ADK: variants seen among roughly 807,000 people sequenced by gnomAD.
ADK encodes adenosine kinase, also known as N6,N6-dimethyladenosine kinase.
In ADK, 24 loss-of-function variants were observed where a neutral mutation model predicts 44.7. The ratio of observed to expected loss-of-function variants is 0.54; its 90% CI spans 0.39 to 0.76. The LOEUF is 0.76. ADK is among the 30% of genes least tolerant of loss of function. The pLI is 0.00. For synonymous variants in ADK, 128 were observed against 142.6 expected, an observed-to-expected ratio of 0.90 and a Z score of 0.73; for missense variants, 321 against 425.1, an observed-to-expected ratio of 0.76 and a Z score of 2.15.
chr10:74,696,448 C>T (rs933209189), intron 10 of ADK, among the ~76,000 whole-genome samples: 7 of 152,022 alleles, frequency 4.6e-5, no homozygotes, highest in Middle Eastern at 3.4e-3. Context: ...TCACTGCAAG[C>T]TCCACCTCCC....
rs555821011 is a variant in ADK at position 74,489,678 on chromosome 10, AT to A, written c.556-35566del. Among the ~76,000 whole-genome samples, 1,103 of 147,194 alleles carry A rather than the reference AT, an allele frequency of 7.5e-3. 10 individuals carry two copies. Among genetic ancestry groups the A allele is most frequent in the African/African-American group, 0.012 (484 of 40,604 alleles). On this transcript the variant is annotated intron_variant, in intron 6 of 10. Coordinates refer to ENST00000539909, the MANE Select transcript of ADK (RefSeq NM_006721.4). ...TCCAGATACAAAGCAGGATGTCATA[AT>A]TTTTTTTTTTTACTATTCCAACTGG... is the stretch of plus-strand genomic sequence containing the variant.
chr10:74,678,117 G>A (rs1855469682), intron 10 of ADK, among the ~76,000 whole-genome samples: 1 of 149,964 alleles, frequency 6.7e-6, no homozygotes, highest in African/African-American at 2.5e-5. Context: ...CTACAGTCTG[G>A]GCAACAGGGG....
rs778963776 is a variant in ADK at position 74,536,675 on chromosome 10, C to A, written c.726+11249C>A. 1.4e-4 allele frequency among the ~76,000 whole-genome samples: 21 copies of A among 151,650 alleles called. 1 individual carries two copies. The highest frequency in any genetic ancestry group is 3.1e-4 in the Non-Finnish European group (21 of 67,956). On this transcript the variant is annotated intron_variant, in intron 7 of 10. Transcript: ENST00000539909. ...ATAACTCACTATTTCCTGTTTCCTCCTTCCTCCTCACCCTTGGTAACTGTT... is the reference window on the plus strand; with the variant it reads ...ATAACTCACTATTTCCTGTTTCCTCATTCCTCCTCACCCTTGGTAACTGTT...
chr10:74,556,296 T>G (rs1443138784), intron 7 of ADK, among the ~76,000 whole-genome samples: 1 of 152,226 alleles, frequency 6.6e-6, no homozygotes, highest in African/African-American at 2.4e-5. Context: ...AACAGCAATA[T>G]GCCATATGAG....
At chr10:74,292,390 T>C (rs1482688128) in intron 3 of ADK, among the ~76,000 whole-genome samples, 1 of 152,220 alleles carries the variant, frequency 6.6e-6, no homozygotes, top group Non-Finnish European at 1.5e-5. Context: ...ATCATTTCTT[T>C]GCAGTGAAGT....
intron 8 of ADK, among the ~76,000 whole-genome samples, chr10:74,592,491 G>A (rs1490848765): frequency 6.6e-6 from 1 of 152,040 alleles, no homozygotes; most frequent in Non-Finnish European, 1.5e-5. Flanking sequence ...CATTGTCTCT[G>A]CAACTGAGTA....
chr10:74,442,254 G>A (rs1242501562), intron 6 of ADK, among the ~76,000 whole-genome samples: 1 of 152,120 alleles, frequency 6.6e-6, no homozygotes, highest in Non-Finnish European at 1.5e-5. Context: ...TTGTTAGCGG[G>A]AATGTAAATT....
chr10:74,188,343 A>ATTTTTTTTTTTTTTTTTTT (rs765922880), intron 1 of ADK, among the ~76,000 whole-genome samples: 2 of 81,370 alleles, frequency 2.5e-5, no homozygotes, highest in Non-Finnish European at 2.3e-5. Context: ...TGTATTTTTA[A>ATTTTTTTTTTTTTTTTTTT]TTTTTTTTTT....
intron 3 of ADK, among the ~76,000 whole-genome samples, chr10:74,235,729 T>C (rs1030981404): frequency 1.3e-5 from 2 of 152,232 alleles, no homozygotes; most frequent in African/African-American, 2.4e-5. Context: ...TTCTTTCTGC[T>C]ATGGTTTGAA....
At chr10:74,198,022 T>C (rs1435890968) in intron 1 of ADK, among the ~76,000 whole-genome samples, 1 of 152,188 alleles carries the variant, frequency 6.6e-6, no homozygotes, top group Admixed American at 6.6e-5. Context: ...TATGACTGTA[T>C]ACATTGAACT....
chr10:74,483,786 C>T (rs1395215965), intron 6 of ADK, among the ~76,000 whole-genome samples: 1 of 152,200 alleles, frequency 6.6e-6, no homozygotes, highest in Admixed American at 6.5e-5. Flanking sequence ...CTGCTAGTCT[C>T]TTTGCTAAAG....
intron 6 of ADK, among the ~76,000 whole-genome samples, chr10:74,415,248 C>CATCTACTGAAATATTTTCACTTCTGTTT (rs1314033582): frequency 6.6e-6 from 1 of 152,186 alleles, no homozygotes; most frequent in Non-Finnish European, 1.5e-5. Flanking sequence ...ATTAACAAAT[C>CATCTACTGAAATATTTTCACTTCTGTTT]ATCTACTGAA....
At chr10:74,372,473 G>T in intron 4 of ADK, 3 of 360,874 alleles carry the variant, frequency 8.3e-6, no homozygotes, top group African/African-American at 2.4e-5. Context: ...GAAAATAAAT[G>T]TCAGTTTAAA....
intron 7 of ADK, among the ~76,000 whole-genome samples, chr10:74,533,295 A>G (rs1465389403): frequency 1.3e-5 from 2 of 152,188 alleles, no homozygotes; most frequent in Non-Finnish European, 2.9e-5. Flanking sequence ...AGTTGATTCT[A>G]ATATTTATAT....
intron 4 of ADK, among the ~76,000 whole-genome samples, chr10:74,378,811 C>T (rs904496826): frequency 2.0e-5 from 3 of 151,936 alleles, no homozygotes; most frequent in Non-Finnish European, 4.4e-5. Flanking sequence ...TTTCAAAATC[C>T]AGTAGGGAGC....
chr10:74,278,849 T>C (rs1846805529), intron 3 of ADK, among the ~76,000 whole-genome samples: 1 of 152,230 alleles, frequency 6.6e-6, no homozygotes, highest in African/African-American at 2.4e-5. Flanking sequence ...CTTTCACATT[T>C]ATACATTAGG....
intron 9 of ADK, among the ~76,000 whole-genome samples, chr10:74,603,524 C>T (rs940795673): frequency 6.6e-6 from 1 of 152,002 alleles, no homozygotes; most frequent in Non-Finnish European, 1.5e-5. Flanking sequence ...TTTTCTGTTC[C>T]TGTGTTAGTT....
intron 6 of ADK, among the ~76,000 whole-genome samples, chr10:74,471,076 T>C (rs1024247201): frequency 1.7e-4 from 2 of 11,976 alleles, no homozygotes; most frequent in African/African-American, 7.6e-4. Context: ...ATACTTTTTC[T>C]TTTTTTTTTT....
intron 9 of ADK, among the ~76,000 whole-genome samples, chr10:74,617,830 A>G (rs1029715976): frequency 1.3e-5 from 2 of 152,118 alleles, no homozygotes; most frequent in Admixed American, 1.3e-4. Flanking sequence ...GGGCTCAAGC[A>G]ATTCACCCAC....
Sources: allele counts gnomAD v4.1 joint callset (sites outside exome capture counted in the v4.1 genomes callset), GRCh38; gene constraint gnomAD v4.1.1; transcripts MANE v1.5; gene names NCBI Gene and HGNC (gene_info 2026-07-23, HGNC 2026-07-21).